The following TNS3 variants were observed in gnomAD, a reference collection of about 807,000 sequenced individuals.
TNS3 encodes tensin-3.
A neutral mutation model predicts 140.9 loss-of-function variants in TNS3; 45 were observed. That is an observed-to-expected ratio of 0.32 (90% confidence interval 0.25 to 0.41). TNS3 has a LOEUF of 0.41. TNS3 is among the 10% of genes least tolerant of loss of function. The pLI is 1.00. For missense variants in TNS3, 1,716 were observed against 1,906.7 expected (o/e 0.90, Z 1.86); for synonymous variants, 815 against 788.4 (o/e 1.03, Z -0.56).
rs200278661 is a variant in TNS3 at position 47,493,642 on chromosome 7, C to A, written c.-114-12501G>T. Among the ~76,000 whole-genome samples, 6 of 148,048 alleles carry A rather than the reference C, an allele frequency of 4.1e-5. No homozygotes were observed. In the East Asian group the frequency reaches 1.2e-3, roughly 29 times the overall value. On this transcript the variant is annotated intron_variant, in intron 3 of 30. Transcript: ENST00000311160. ...GACCATCCTGGCTAACACGCTGAAA[C>A]CCTGTCTCTACTAAAAATACAAAAA...
chr7:47,330,190 C>T (rs1788257041), intron 20 of TNS3, among the ~76,000 whole-genome samples: 1 of 152,168 alleles, frequency 6.6e-6, no homozygotes, highest in Non-Finnish European at 1.5e-5. Context: ...GACTCTGCTA[C>T]AGCCAGGACC....
intron 1 of TNS3, among the ~76,000 whole-genome samples, chr7:47,536,576 T>C (rs1015285387): frequency 6.6e-6 from 1 of 152,194 alleles, no homozygotes; most frequent in Non-Finnish European, 1.5e-5. Context: ...CAATGGCCAG[T>C]ATCCCAATTC....
At chr7:47,366,737 G>A (rs17523258) in intron 17 of TNS3, among the ~76,000 whole-genome samples, 21,020 of 152,222 alleles carry the variant, frequency 0.14, 1,652 homozygotes, top group South Asian at 0.18. Context: ...ATGTGAACCT[G>A]GGCAGGCCAC....
chr7:47,573,048 G>T (rs1409976734), intron 1 of TNS3, among the ~76,000 whole-genome samples: 1 of 152,158 alleles, frequency 6.6e-6, no homozygotes. Flanking sequence ...GTGTGGCCCA[G>T]GCTTGGGAAA....
chr7:47,426,721 C>T (rs1214924293), intron 9 of TNS3, among the ~76,000 whole-genome samples: 1 of 152,090 alleles, frequency 6.6e-6, no homozygotes, highest in Non-Finnish European at 1.5e-5. Flanking sequence ...GTACCAAGAG[C>T]GTCAAAGGTG....
At chr7:47,384,089 T>G (rs1791932504) in intron 16 of TNS3, among the ~76,000 whole-genome samples, 1 of 152,018 alleles carries the variant, frequency 6.6e-6, no homozygotes, top group South Asian at 2.1e-4. Context: ...CCACCCATTC[T>G]CCCCCCACTG....
chr7:47,457,003 C>T (rs763150533), intron 4 of TNS3, among the ~76,000 whole-genome samples: 7 of 150,920 alleles, frequency 4.6e-5, no homozygotes, highest in Non-Finnish European at 8.8e-5. Flanking sequence ...CCTACCTTAC[C>T]CCTTTCTTTT....
At chr7:47,552,642 A>G (rs1206645642) in intron 1 of TNS3, among the ~76,000 whole-genome samples, 1 of 152,108 alleles carries the variant, frequency 6.6e-6, no homozygotes, top group Admixed American at 6.6e-5. Context: ...TAAGACTGCG[A>G]ACTCAATGGA....
intron 16 of TNS3, among the ~76,000 whole-genome samples, chr7:47,371,724 A>G (rs113549991): frequency 1.3e-5 from 2 of 150,442 alleles, no homozygotes; most frequent in African/African-American, 5.0e-5. Flanking sequence ...TCACCTCTAC[A>G]ATTTCAAAAA....
In TNS3 at chr7:47,276,789, C is replaced by G. The variant is rs574645520; in HGVS notation, c.*1287G>C. ...GGCACTCAAAAACAGCTTGTCAGTA[C>G]CGGGGTTTCTTCTCTTTTTCCTCAT... On this transcript the variant is annotated 3_prime_UTR_variant, in exon 31 of 31. Coordinates refer to ENST00000311160, the MANE Select transcript of TNS3 (RefSeq NM_022748.12). The G allele has an allele frequency of 6.6e-6, 1 of 152,212 alleles. No individual in the cohort carries two copies. The highest frequency in any genetic ancestry group is 1.5e-5 in the Non-Finnish European group (1 of 68,076). The allele number at this position is 152,212 out of a possible 1,614,324, so 9.4% of individuals were successfully genotyped here.
rs79135744 is a variant in TNS3, at chr7:47,529,855, T to C, written c.-264-708A>G. 4.7e-4 allele frequency among the ~76,000 whole-genome samples: 72 copies of C among 152,386 alleles called. 3 individuals carry two copies. The East Asian group carries it at 9.4e-3, about 20-fold the overall frequency. ...CTAATCATGTCTATTTGCTGATATG[T>C]GACCGTGTATTCTATCAGTACTTAA... On this transcript the variant is annotated intron_variant, in intron 1 of 30. Coordinates refer to ENST00000311160, the MANE Select transcript of TNS3 (RefSeq NM_022748.12).
intron 20 of TNS3, among the ~76,000 whole-genome samples, chr7:47,306,700 G>A (rs1378354546): frequency 2.6e-5 from 4 of 151,922 alleles, no homozygotes; most frequent in African/African-American, 9.7e-5. Context: ...TCGGCCTCCC[G>A]AGTAGCTGGG....
At chr7:47,421,263 C>A (rs1387268388) in intron 10 of TNS3, among the ~76,000 whole-genome samples, 1 of 151,894 alleles carries the variant, frequency 6.6e-6, no homozygotes, top group African/African-American at 2.4e-5. Context: ...AAAACTATAC[C>A]CGGATTTTTG....
At chr7:47,438,826 T>C (rs1795318592) in intron 6 of TNS3, among the ~76,000 whole-genome samples, 1 of 152,084 alleles carries the variant, frequency 6.6e-6, no homozygotes, top group Non-Finnish European at 1.5e-5. Context: ...GCCTCCTTAC[T>C]AGAGATAACA....
In TNS3 at chr7:47,431,948, C is replaced by A. The variant is rs1039855120; in HGVS notation, c.324+3334G>T. Among the ~76,000 whole-genome samples, 5 of 152,214 alleles carry A rather than the reference C, an allele frequency of 3.3e-5. No homozygotes were observed. In the South Asian group the frequency reaches 8.3e-4, roughly 25 times the overall value. ...AAACTCATAAATTCCTGGACACATA[C>A]AACCTACTAAGACTGAATCATGAAG... is the stretch of plus-strand genomic sequence containing the variant. On this transcript the variant is annotated intron_variant, in intron 8 of 30. Transcript: ENST00000311160.
chr7:47,507,263 G>T (rs1267725169), intron 2 of TNS3, among the ~76,000 whole-genome samples: 1 of 152,098 alleles, frequency 6.6e-6, no homozygotes, highest in African/African-American at 2.4e-5. Flanking sequence ...TTTTTCAAGG[G>T]GTATGTACGT....
At chr7:47,518,230 A>T (rs1055735296) in intron 2 of TNS3, among the ~76,000 whole-genome samples, 1 of 152,176 alleles carries the variant, frequency 6.6e-6, no homozygotes, top group Non-Finnish European at 1.5e-5. Flanking sequence ...GAATGGGGAT[A>T]AGGCTCAAGA....
intron 3 of TNS3, among the ~76,000 whole-genome samples, chr7:47,491,876 C>T (rs1217735786): frequency 2.6e-5 from 4 of 152,148 alleles, no homozygotes; most frequent in African/African-American, 4.8e-5. Context: ...GTGCATGGCC[C>T]CATCAATCAC....
chr7:47,343,970 A>C (rs1789169402), intron 20 of TNS3, among the ~76,000 whole-genome samples: 1 of 152,204 alleles, frequency 6.6e-6, no homozygotes, highest in South Asian at 2.1e-4. Context: ...GGGGTAGATG[A>C]AAATACAAGT....
Sources: gnomAD v4.1 joint callset for allele counts (sites outside exome capture counted in the v4.1 genomes callset) on GRCh38, gnomAD v4.1.1 for gene constraint, MANE v1.5 for transcripts, NCBI Gene and HGNC (gene_info 2026-07-23, HGNC 2026-07-21) for gene names.